The following ELMO2 variants were observed in gnomAD, a reference collection of about 807,000 sequenced individuals.
ELMO2 encodes engulfment and cell motility 2, also known as engulfment and cell motility protein 2.
ELMO2 carries 37 observed loss-of-function variants against 96.2 expected under a neutral mutation model. That is an observed-to-expected ratio of 0.38 (90% CI 0.30 to 0.51). The LOEUF (loss-of-function observed/expected upper bound fraction) is 0.51, where lower values mean the gene tolerates loss of function less well. Ranked by LOEUF, ELMO2 falls within the 20% of genes least tolerant of loss-of-function variation. The probability of loss-of-function intolerance (pLI) is 0.88; values close to 1 mark genes in which losing one functional copy is unlikely to be tolerated. For missense variants in ELMO2, 561 were observed against 912.6 expected (o/e 0.61, Z 4.96); for synonymous variants, 315 against 329.4 (o/e 0.96, Z 0.47).
intron 21 of ELMO2, among the ~76,000 whole-genome samples, chr20:46,367,899 A>G (rs1386481464): frequency 1.3e-5 from 2 of 152,234 alleles, no homozygotes; most frequent in African/African-American, 4.8e-5. Flanking sequence ...GGAAATATGT[A>G]TTAGGTGAAA....
chr20:46,372,716 C>T (rs1359115513), intron 16 of ELMO2: 1 of 152,270 alleles, frequency 6.6e-6, no homozygotes, highest in Non-Finnish European at 1.5e-5. Context: ...CCCCTTAAAA[C>T]AACTATTAAA....
At chr20:46,376,090 G>A (rs1420310270) in intron 11 of ELMO2, among the ~76,000 whole-genome samples, 1 of 152,160 alleles carries the variant, frequency 6.6e-6, no homozygotes, top group Non-Finnish European at 1.5e-5. Context: ...CTCCATCAAG[G>A]CTATGATACA....
chr20:46,388,739 G>T (rs141756314), intron 7 of ELMO2, among the ~76,000 whole-genome samples: 6 of 152,234 alleles, frequency 3.9e-5, no homozygotes, highest in Non-Finnish European at 5.9e-5. Flanking sequence ...CAATTAACAG[G>T]TCTGTCACGA....
At chr20:46,380,194 C>T (rs1294430569) in intron 11 of ELMO2, 59 bp downstream of exon 11, 3 of 1,380,740 alleles carry the variant, frequency 2.2e-6, no homozygotes, top group South Asian at 1.2e-5. Context: ...AATATATTAA[C>T]AATAACAGTA....
chr20:46,398,359 C>T (rs560580912), intron 2 of ELMO2, among the ~76,000 whole-genome samples: 5 of 152,134 alleles, frequency 3.3e-5, no homozygotes, highest in South Asian at 2.1e-4. Flanking sequence ...GTCGCCTAGG[C>T]TGAAGTGCAA....
intron 10 of ELMO2, chr20:46,382,344 C>T: frequency 9.2e-7 from 1 of 1,087,518 alleles, no homozygotes; most frequent in Non-Finnish European, 1.2e-6. Context: ...CCAAGCCATC[C>T]AAGAAAGACA....
intron 10 of ELMO2, among the ~76,000 whole-genome samples, chr20:46,383,029 G>GT (rs901445806): frequency 6.6e-6 from 1 of 152,146 alleles, no homozygotes; most frequent in Non-Finnish European, 1.5e-5. Flanking sequence ...CCTGTTGCCT[G>GT]TTTTTGTAAA....
intron 8 of ELMO2, among the ~76,000 whole-genome samples, chr20:46,386,635 C>T (rs2060049728): frequency 6.6e-6 from 1 of 152,206 alleles, no homozygotes. Flanking sequence ...CACACACTCC[C>T]CCTAAACACA....
chr20:46,393,095 G>T lies in ELMO2; in HGVS notation c.241C>A (p.Pro81Thr). ...CCTAAGGAAGAAAGAATACCTACCG[G>T]GGAGATAGCCAGTTGTAAGATTGTC... ...NGTILQLAIS[P>T]SRAARQLMER... Residue 81 changes from proline to threonine, a missense_variant and splice_region_variant, in exon 6 of 22, where the codon CCG becomes ACG. Transcript: ENST00000290246. 6.2e-7 allele frequency: 1 copy of T among 1,613,852 alleles called. No homozygotes were observed. Among genetic ancestry groups the T allele is most frequent in the African/African-American group, 1.3e-5 (1 of 75,026 alleles).
At chr20:46,389,626 T>C (rs975750195) in intron 6 of ELMO2, among the ~76,000 whole-genome samples, 6 of 152,068 alleles carry the variant, frequency 3.9e-5, no homozygotes, top group African/African-American at 1.4e-4. Flanking sequence ...CAAGGCAGGA[T>C]TGCTTGAAGC....
chr20:46,398,242 C>T (rs181721344), intron 2 of ELMO2, among the ~76,000 whole-genome samples: 4 of 152,152 alleles, frequency 2.6e-5, no homozygotes, highest in Admixed American at 6.5e-5. Context: ...TGAAACAGAT[C>T]GGTTATATGG....
chr20:46,367,310 C>A lies in ELMO2; in HGVS notation c.*50G>T. The A allele has an allele frequency of 7.1e-7, 1 of 1,412,166 alleles. No individual in the cohort carries two copies. The highest frequency in any genetic ancestry group is 1.5e-5 in the South Asian group (1 of 65,156). 87.5% of individuals were successfully genotyped at this position (1,412,166 alleles called of 1,614,324 possible). On this transcript the variant is annotated 3_prime_UTR_variant, in exon 22 of 22. Coordinates refer to ENST00000290246, the MANE Select transcript of ELMO2 (RefSeq NM_133171.5). ...AAGGCACCAGAATGTAAGTGTTTCT[C>A]CTGGGCCCAAAATCCCTTCTCCTGG...
At chr20:46,404,783 A>G (rs1444737902) in intron 1 of ELMO2, among the ~76,000 whole-genome samples, 1 of 151,908 alleles carries the variant, frequency 6.6e-6, no homozygotes, top group Non-Finnish European at 1.5e-5. Flanking sequence ...TGATTATGTT[A>G]TAATAATATA....
At chr20:46,369,105 G>A (rs535421100) in intron 20 of ELMO2, 137 bp from the exon 21 acceptor site, 16 of 775,084 alleles carry the variant, frequency 2.1e-5, no homozygotes, top group African/African-American at 1.4e-4. Context: ...GCTCCTAGGC[G>A]GCCACAAGTG....
rs1340543833 is a variant in ELMO2, at chr20:46,366,104, G to C, written c.*1256C>G. ...CATGGTTACTGACAGGAAGCTCCTGGCTGCTCTCTGGTTACAATCTTGGCT... is the reference window on the plus strand; with the variant it reads ...CATGGTTACTGACAGGAAGCTCCTGCCTGCTCTCTGGTTACAATCTTGGCT... On this transcript the variant is annotated 3_prime_UTR_variant, in exon 22 of 22. Coordinates refer to ENST00000290246, the MANE Select transcript of ELMO2 (RefSeq NM_133171.5). 1 of 152,600 alleles carries C rather than the reference G, an allele frequency of 6.6e-6. No individual in the cohort carries two copies. The highest frequency in any genetic ancestry group is 1.5e-5 in the Non-Finnish European group (1 of 68,024). 9.5% of individuals were successfully genotyped at this position (152,600 alleles called of 1,614,324 possible). A position where few individuals can be genotyped will look rare whatever the true frequency, so the allele number is the denominator to read the frequency against.
At chr20:46,399,745 T>C (rs1051571257) in intron 1 of ELMO2, among the ~76,000 whole-genome samples, 1 of 152,220 alleles carries the variant, frequency 6.6e-6, no homozygotes, top group Admixed American at 6.5e-5. Context: ...ATGGCTCTGA[T>C]TTCTTCCACT....
chr20:46,368,351 C>T (rs1273233325), intron 21 of ELMO2, among the ~76,000 whole-genome samples: 1 of 151,906 alleles, frequency 6.6e-6, no homozygotes, highest in African/African-American at 2.4e-5. Flanking sequence ...ACTACAGGGC[C>T]CTTGTCAGAA....
In ELMO2 at chr20:46,375,926, T is replaced by C. The variant is rs537847687; in HGVS notation, c.808-136A>G. 1.1e-4 allele frequency: 129 copies of C among 1,213,154 alleles called. No homozygotes were observed. In the East Asian group the frequency reaches 3.2e-3, roughly 30 times the overall value. 75.1% of individuals were successfully genotyped at this position (1,213,154 alleles called of 1,614,324 possible). On this transcript the variant is annotated intron_variant, in intron 11 of 21. Transcript: ENST00000290246. This position sits in a 1 kb window ranked among gnomAD's most constrained non-coding sequence, Gnocchi z 4.6. ...TCCCACACACGAGGACTTCATATTCTAGAAGGCGATGGAGCATGAATGGGC... is the reference window on the plus strand; with the variant it reads ...TCCCACACACGAGGACTTCATATTCCAGAAGGCGATGGAGCATGAATGGGC...
At chr20:46,380,786 G>A (rs1271017634) in intron 10 of ELMO2, among the ~76,000 whole-genome samples, 1 of 152,184 alleles carries the variant, frequency 6.6e-6, no homozygotes, top group Non-Finnish European at 1.5e-5. Context: ...GGGTCTGGAC[G>A]CTCTACAACA....
Sources: gnomAD v4.1 joint callset for allele counts (sites outside exome capture counted in the v4.1 genomes callset) on GRCh38, gnomAD v4.1.1 for gene constraint, Gnocchi (gnomAD v3.1) non-coding constraint, MANE v1.5 for transcripts, NCBI Gene and HGNC (gene_info 2026-07-23, HGNC 2026-07-21) for gene names.